Variants in KPNA1 observed in about 807,000 individuals in gnomAD.
KPNA1 encodes importin subunit alpha-5.
A neutral mutation model predicts 70.5 loss-of-function variants in KPNA1; 10 were observed. The observed-to-expected ratio is 0.14, with a 90% CI of 0.09 to 0.24. KPNA1 has a LOEUF of 0.24. Ranked by LOEUF, KPNA1 falls within the 10% of genes least tolerant of loss-of-function variation. The pLI, the probability that KPNA1 is intolerant of heterozygous loss-of-function variation, is 1.00. For synonymous variants in KPNA1, 192 were observed against 221.9 expected (o/e 0.87, Z 1.20); for missense variants, 397 against 637.9 (o/e 0.62, Z 4.07).
chr3:122,460,786 G>T, intron 5 of KPNA1: 1 of 424,926 alleles, frequency 2.4e-6, no homozygotes, highest in Non-Finnish European at 3.1e-6. Flanking sequence ...CTCCTTATCG[G>T]CTTTTTGTGG....
In KPNA1 at chr3:122,426,120, T is replaced by A. The variant is rs1480741170; in HGVS notation, c.*865A>T. ...GGGTTTTTTCGTCCTTAGTTTTTTT[T>A]ATTAAATTACAGGATATGGTTTTCG... On this transcript the variant is annotated 3_prime_UTR_variant, in exon 14 of 14. Transcript: ENST00000344337. 4.6e-5 allele frequency: 7 copies of A among 152,344 alleles called. No homozygotes were observed. Among genetic ancestry groups the A allele is most frequent in the South Asian group, 4.1e-4 (2 of 4,826 alleles). The allele number at this position is 152,344 out of a possible 1,614,324, so 9.4% of individuals were successfully genotyped here.
intron 5 of KPNA1, chr3:122,457,833 C>T: frequency 7.8e-7 from 1 of 1,289,682 alleles, no homozygotes; most frequent in Non-Finnish European, 1.0e-6. Context: ...TGGTTCCTAG[C>T]AAATGCCAGG....
At chr3:122,456,113 G>A (rs1429915873) in intron 5 of KPNA1, among the ~76,000 whole-genome samples, 4 of 152,156 alleles carry the variant, frequency 2.6e-5, no homozygotes, top group African/African-American at 7.2e-5. Context: ...TCATTTGCTT[G>A]TAGTTTGGAT....
In KPNA1 at chr3:122,425,274, G is replaced by T. The variant is rs1350111418; in HGVS notation, c.*1711C>A. ...TTGGCTGCTTAAATAACATCATGAT[G>T]AGGTATGAAAAGCTCTGAATATCCC... On this transcript the variant is annotated 3_prime_UTR_variant, in exon 14 of 14. Coordinates refer to ENST00000344337, the MANE Select transcript of KPNA1 (RefSeq NM_002264.4). 6.6e-6 allele frequency: 1 copy of T among 152,654 alleles called. No individual in the cohort carries two copies. Among genetic ancestry groups the T allele is most frequent in the Non-Finnish European group, 1.5e-5 (1 of 68,042 alleles). The allele number at this position is 152,654 out of a possible 1,614,324, so 9.5% of individuals were successfully genotyped here. A position where few individuals can be genotyped will look rare whatever the true frequency, so the allele number is the denominator to read the frequency against.
intron 1 of KPNA1, among the ~76,000 whole-genome samples, chr3:122,501,730 A>C (rs1354927225): frequency 6.6e-6 from 1 of 152,158 alleles, no homozygotes; most frequent in Non-Finnish European, 1.5e-5. Context: ...TGGTCTATAC[A>C]TGTCAGTTAG....
rs915823037 is a variant in KPNA1, at chr3:122,479,580, T to C, written c.130-12151A>G. Reference sequence around the variant, plus strand: ...TTCAAGACCAGCCTGAGCAACATGGTGAAACCCTGTCTCTACTAAAAATAC... The same window carrying C: ...TTCAAGACCAGCCTGAGCAACATGGCGAAACCCTGTCTCTACTAAAAATAC... On this transcript the variant is annotated intron_variant, in intron 2 of 13. Transcript: ENST00000344337. 2.6e-5 allele frequency among the ~76,000 whole-genome samples: 4 copies of C among 151,910 alleles called. 1 individual carries two copies. In the South Asian group the frequency reaches 8.3e-4, roughly 32 times the overall value.
intron 5 of KPNA1, chr3:122,460,601 C>T (rs2076313476): frequency 3.2e-6 from 1 of 310,286 alleles, no homozygotes; most frequent in Admixed American, 6.5e-5. Flanking sequence ...CTTGCCACTG[C>T]ACTCCAGCAT....
intron 5 of KPNA1, among the ~76,000 whole-genome samples, chr3:122,458,550 T>C (rs2076288721): frequency 6.6e-6 from 1 of 152,228 alleles, no homozygotes; most frequent in Non-Finnish European, 1.5e-5. Context: ...GTCCACAAGA[T>C]TTATTAGTGA....
chr3:122,479,652 C>T (rs930090209), intron 2 of KPNA1, among the ~76,000 whole-genome samples: 7 of 151,900 alleles, frequency 4.6e-5, no homozygotes, highest in African/African-American at 1.7e-4. Context: ...CCCAGCTACT[C>T]GGGAGGCTGA....
chr3:122,433,570 T>C (rs758473274), intron 12 of KPNA1, 91 bp downstream of exon 12: 15 of 1,067,408 alleles, frequency 1.4e-5, no homozygotes, highest in Non-Finnish European at 2.0e-5. Context: ...AGCTAATCTT[T>C]TACTCTAGGT....
intron 1 of KPNA1, among the ~76,000 whole-genome samples, chr3:122,499,992 C>T (rs1022312357): frequency 4.6e-5 from 7 of 152,170 alleles, no homozygotes; most frequent in Admixed American, 2.0e-4. Context: ...AGTGTCTTCA[C>T]GTGTTACAGG....
intron 9 of KPNA1, among the ~76,000 whole-genome samples, chr3:122,446,763 G>C (rs2076144504): frequency 1.3e-5 from 2 of 152,154 alleles, no homozygotes; most frequent in African/African-American, 4.8e-5. Context: ...CAACAAAATT[G>C]ATAGACCGCT....
intron 2 of KPNA1, among the ~76,000 whole-genome samples, chr3:122,476,402 A>G (rs2076497857): frequency 6.6e-6 from 1 of 152,224 alleles, no homozygotes; most frequent in Non-Finnish European, 1.5e-5. Context: ...AAGCACAGGC[A>G]ACAAAAGCAG....
intron 5 of KPNA1, among the ~76,000 whole-genome samples, chr3:122,455,554 T>A (rs557450806): frequency 5.3e-5 from 8 of 152,198 alleles, no homozygotes; most frequent in African/African-American, 1.4e-4. Flanking sequence ...TACTTTATAT[T>A]TTCTTTTTTT....
chr3:122,466,360 C>T (rs1488388993), intron 3 of KPNA1, among the ~76,000 whole-genome samples: 4 of 151,302 alleles, frequency 2.6e-5, no homozygotes, highest in South Asian at 2.1e-4. Flanking sequence ...GGTGGCTAAG[C>T]GGAAGAAAGA....
chr3:122,425,755 G>C lies in KPNA1; in HGVS notation c.*1230C>G, dbSNP rs1480223351. On this transcript the variant is annotated 3_prime_UTR_variant, in exon 14 of 14. Coordinates refer to ENST00000344337, the MANE Select transcript of KPNA1 (RefSeq NM_002264.4). Reference sequence around the variant, plus strand: ...AAGCGGCACAGTACTAGCAGGAGATGAAATAAAATGATTAGGAAACAATGA... The same window carrying C: ...AAGCGGCACAGTACTAGCAGGAGATCAAATAAAATGATTAGGAAACAATGA... 6.6e-6 allele frequency: 1 copy of C among 152,550 alleles called. No homozygotes were observed. The highest frequency in any genetic ancestry group is 1.5e-5 in the Non-Finnish European group (1 of 68,016). The allele number at this position is 152,550 out of a possible 1,614,324, so 9.4% of individuals were successfully genotyped here.
chr3:122,507,302 G>A (rs192545383), intron 1 of KPNA1, among the ~76,000 whole-genome samples: 16 of 152,102 alleles, frequency 1.1e-4, no homozygotes, highest in East Asian at 1.9e-4. Flanking sequence ...TTAGCCGGGC[G>A]TGGTGGCGGG....
At chr3:122,493,092 CACTCAACAGTTA>C (rs1193588289) in intron 2 of KPNA1, among the ~76,000 whole-genome samples, 1 of 152,122 alleles carries the variant, frequency 6.6e-6, no homozygotes, top group East Asian at 1.9e-4. Context: ...ACATAACAAA[CACTCAACAGTTA>C]ACTGTTATCA....
chr3:122,478,361 C>G (rs1474513286), intron 2 of KPNA1, among the ~76,000 whole-genome samples: 1 of 152,028 alleles, frequency 6.6e-6, no homozygotes, highest in Admixed American at 6.6e-5. Flanking sequence ...TTGGCTCACA[C>G]CTGTAATCCC....
Sources: gnomAD v4.1 joint callset for allele counts (sites outside exome capture counted in the v4.1 genomes callset) on GRCh38, gnomAD v4.1.1 for gene constraint, MANE v1.5 for transcripts, NCBI Gene and HGNC (gene_info 2026-07-23, HGNC 2026-07-21) for gene names.